ZMYM1: variants seen among roughly 807,000 people sequenced by gnomAD.
The protein encoded by ZMYM1 is zinc finger MYM-type containing 1.
ZMYM1 carries 39 observed loss-of-function variants against 60.0 expected under a neutral mutation model. The observed-to-expected ratio is 0.65, with a 90% CI of 0.50 to 0.85. ZMYM1 has a LOEUF of 0.85. Ranked by LOEUF, ZMYM1 falls within the 40% of genes least tolerant of loss-of-function variation. The probability of loss-of-function intolerance (pLI) is 0.00; values close to 1 mark genes in which losing one functional copy is unlikely to be tolerated. For missense variants in ZMYM1, 1,171 were observed against 1,309.5 expected (o/e 0.89, Z 1.63); for synonymous variants, 413 against 454.0 (o/e 0.91, Z 1.15).
At chr1:35,062,012 A>G (rs1402357232) in intron 1 of ZMYM1, among the ~76,000 whole-genome samples, 1 of 151,514 alleles carries the variant, frequency 6.6e-6, no homozygotes, top group Admixed American at 6.6e-5. Context: ...TTGTATTTTT[A>G]ATAGAGATGG....
At chr1:35,106,930 C>T (rs566586091) in intron 6 of ZMYM1, among the ~76,000 whole-genome samples, 6 of 151,656 alleles carry the variant, frequency 4.0e-5, no homozygotes, top group Non-Finnish European at 7.4e-5. Context: ...CAGCTCACTG[C>T]AAGCTCCGCC....
Position 35,111,794 on chromosome 1 carries a change from T to C in ZMYM1, c.984T>C (p.His328=). The C allele has an allele frequency of 3.1e-6, 5 of 1,602,508 alleles. No individual in the cohort carries two copies. Among genetic ancestry groups the C allele is most frequent in the Non-Finnish European group, 4.3e-6 (5 of 1,173,704 alleles). Residue 328 remains histidine (H), a synonymous_variant, in exon 8 of 10, where the codon CAT becomes CAC. Coordinates refer to ENST00000359858, the MANE Select transcript of ZMYM1 (RefSeq NM_024772.5). ...CAGTAAGTGTTGTTTCTGTGGTGCA[T>C]GATACTTCAACAGAGCTTCTTTCTC... The part of the protein sequence containing the change: ...SSSVSVVSVV[H]DTSTELLSPK...
intron 7 of ZMYM1, among the ~76,000 whole-genome samples, 164 bp from the exon 8 acceptor site, chr1:35,111,608 T>A (rs1644089153): frequency 6.6e-6 from 1 of 152,222 alleles, no homozygotes; most frequent in Non-Finnish European, 1.5e-5. Flanking sequence ...AATACGATAC[T>A]AAAGAACCTG....
At chr1:35,103,537 G>A (rs1433270482) in intron 4 of ZMYM1, among the ~76,000 whole-genome samples, 1 of 152,108 alleles carries the variant, frequency 6.6e-6, no homozygotes, top group Non-Finnish European at 1.5e-5. Context: ...AACACAATGT[G>A]CTTATTCATT....
At chr1:35,093,811 C>A in intron 1 of ZMYM1, 103 bp from the exon 2 acceptor site, 2 of 422,136 alleles carry the variant, frequency 4.7e-6, no homozygotes, top group Non-Finnish European at 8.5e-6. Flanking sequence ...ATGAAGGAAC[C>A]TTGATGCCAA....
rs1162559937 is a variant in ZMYM1 at position 35,113,967 on chromosome 1, G to C, written c.2137G>C (p.Gly713Arg). The C allele has an allele frequency of 1.2e-6, 2 of 1,613,512 alleles. No individual in the cohort carries two copies. Among genetic ancestry groups the C allele is most frequent in the Non-Finnish European group, 1.7e-6 (2 of 1,179,824 alleles). ...QIGVDMDKIH[G>R]QAYDSTTNLK... ...TGGAGTTGATATGGATAAAATACAT[G>C]GCCAGGCCTATGATAGCACCACTAA... is the stretch of plus-strand genomic sequence containing the variant. The change falls in exon 10 of 10, where the codon GGC becomes CGC. Residue 713 changes from glycine to arginine, a missense_variant. Gly to Arg is a moderately radical substitution (Grantham distance 125). Coordinates refer to ENST00000359858, the MANE Select transcript of ZMYM1 (RefSeq NM_024772.5).
At chr1:35,091,128 T>G (rs1642975439) in intron 1 of ZMYM1, among the ~76,000 whole-genome samples, 1 of 152,118 alleles carries the variant, frequency 6.6e-6, no homozygotes, top group African/African-American at 2.4e-5. Flanking sequence ...AATAAAAGAA[T>G]ATAGTTTTAC....
At chr1:35,076,002 T>A (rs1193823482), upstream of ZMYM1, among the ~76,000 whole-genome samples, 11 of 152,118 alleles carry the variant, frequency 7.2e-5, no homozygotes. Flanking sequence ...CAACTAATCA[T>A]GGCAAGGGCA....
intron 1 of ZMYM1, among the ~76,000 whole-genome samples, chr1:35,090,855 A>C (rs946195591): frequency 6.6e-6 from 1 of 152,096 alleles, no homozygotes; most frequent in African/African-American, 2.4e-5. Context: ...CTGAGGCAGG[A>C]GAATCACTTG....
intron 6 of ZMYM1, among the ~76,000 whole-genome samples, chr1:35,108,930 G>A (rs186661319): frequency 7.7e-4 from 117 of 151,986 alleles, no homozygotes; most frequent in Middle Eastern, 3.4e-3. Flanking sequence ...GGCTGGTCTC[G>A]AACTCCTGGG....
In ZMYM1 at chr1:35,095,859, A is replaced by G. The variant is rs1385986015; in HGVS notation, c.137A>G (p.Glu46Gly). 6 of 1,610,378 alleles carry G rather than the reference A, an allele frequency of 3.7e-6. No homozygotes were observed. Among genetic ancestry groups the G allele is most frequent in the Non-Finnish European group, 4.2e-6 (5 of 1,177,790 alleles). ...HRQQSRTQEN[E>G]LKINAVFSES... ...CAACAGTCCAGAACTCAGGAGAATG[A>G]ACTGAAAATAAATGCTGTGTTTTCA... is the stretch of plus-strand genomic sequence containing the variant. The change falls in exon 3 of 10, where the codon GAA becomes GGA. Residue 46 changes from glutamate to glycine, a missense_variant. Coordinates refer to ENST00000359858, the MANE Select transcript of ZMYM1 (RefSeq NM_024772.5).
intron 6 of ZMYM1, among the ~76,000 whole-genome samples, chr1:35,108,699 ATTTTTTT>A (rs771920421): frequency 0.029 from 3,105 of 106,764 alleles, 143 homozygotes; most frequent in African/African-American, 0.1. Context: ...TCCATCGGTG[ATTTTTTT>A]TTTTTTTTTT....
chr1:35,112,590 T>TGTA (rs1557713658), intron 9 of ZMYM1, among the ~76,000 whole-genome samples: 52 of 146,612 alleles, frequency 3.5e-4, no homozygotes, highest in Admixed American at 1.6e-3. Context: ...TAATGTATAT[T>TGTA]TATTATATAT....
At chr1:35,108,722 T>TTTA (rs1553145218) in intron 6 of ZMYM1, among the ~76,000 whole-genome samples, 1 of 149,178 alleles carries the variant, frequency 6.7e-6, no homozygotes, top group African/African-American at 2.5e-5. Flanking sequence ...TTTTTTTTTT[T>TTTA]TAGACTGAGT....
At chr1:35,068,666 A>T (rs1054972563) in intron 1 of ZMYM1, among the ~76,000 whole-genome samples, 1 of 150,124 alleles carries the variant, frequency 6.7e-6, no homozygotes, top group Non-Finnish European at 1.5e-5. Context: ...ATATATATAT[A>T]TAAAACTACA....
intron 1 of ZMYM1, among the ~76,000 whole-genome samples, chr1:35,087,906 C>G (rs1325347866): frequency 1.3e-5 from 2 of 151,904 alleles, no homozygotes; most frequent in East Asian, 3.9e-4. Context: ...ACTAAAAATA[C>G]AAAACTTAGC....
At chr1:35,061,797 T>C (rs1362984726) in intron 1 of ZMYM1, among the ~76,000 whole-genome samples, 4 of 148,940 alleles carry the variant, frequency 2.7e-5, no homozygotes, top group East Asian at 1.9e-4. Flanking sequence ...AAAAGAAATA[T>C]AGACATCTTA....
intron 4 of ZMYM1, among the ~76,000 whole-genome samples, chr1:35,101,068 G>A (rs1643620963): frequency 6.6e-6 from 1 of 150,688 alleles, no homozygotes; most frequent in Admixed American, 6.6e-5. Context: ...CTCCCAAAGT[G>A]CTGGCATTAT....
chr1:35,088,462 G>A (rs375678901), intron 1 of ZMYM1, among the ~76,000 whole-genome samples: 11,896 of 62,808 alleles, frequency 0.19, 693 homozygotes, highest in Non-Finnish European at 0.32. Context: ...ATATGTGTGT[G>A]TGTGTGTGTG....
Sources: allele counts gnomAD v4.1 joint callset (sites outside exome capture counted in the v4.1 genomes callset), GRCh38; gene constraint gnomAD v4.1.1; transcripts MANE v1.5; gene names NCBI Gene and HGNC (gene_info 2026-07-23, HGNC 2026-07-21).